Variants in PATJ observed in about 807,000 individuals in gnomAD.
PATJ encodes the protein PATJ crumbs cell polarity complex component.
PATJ carries 190 observed loss-of-function variants against 224.9 expected under a neutral mutation model. The ratio of observed to expected loss-of-function variants is 0.84; its 90% confidence interval spans 0.75 to 0.95. The LOEUF is 0.95. Ranked by LOEUF, PATJ falls within the 40% of genes least tolerant of loss-of-function variation. The pLI is 0.00. For missense variants in PATJ, 2,121 were observed against 2,270.3 expected (o/e 0.93, Z 1.34); for synonymous variants, 769 against 820.3 (o/e 0.94, Z 1.07).
intron 24 of PATJ, among the ~76,000 whole-genome samples, chr1:61,907,547 G>A (rs77110192): frequency 0.066 from 9,977 of 152,066 alleles, 1,068 homozygotes; most frequent in African/African-American, 0.23. Flanking sequence ...TCTCTGCACT[G>A]TATCATTATT....
intron 25 of PATJ, among the ~76,000 whole-genome samples, chr1:61,911,496 C>T (rs1313481296): frequency 1.3e-5 from 2 of 151,832 alleles, no homozygotes; most frequent in African/African-American, 2.4e-5. Flanking sequence ...CACCTAGCCA[C>T]CAATACACCT....
At position 61,791,373 on chromosome 1, in the gene PATJ, A is replaced by G; in HGVS notation, c.1094A>G (p.Asn365Ser). Reference sequence around the variant, plus strand: ...GACAGTTCTCTTTTTGAAACTTATAATGTTGAGCTTGTGAGAAAAGATGGG... The same window carrying G: ...GACAGTTCTCTTTTTGAAACTTATAGTGTTGAGCTTGTGAGAAAAGATGGG... ...GSDSSLFETYNVELVRKDGQS... is the reference protein window; with the variant it reads ...GSDSSLFETYSVELVRKDGQS... The change falls in exon 9 of 44, where the codon AAT (asparagine) becomes AGT (serine). Residue 365 changes from asparagine (N) to serine (S), a missense_variant. By Grantham distance (46) the Asn-to-Ser change is conservative. Coordinates refer to ENST00000642238, the MANE Select transcript of PATJ (RefSeq NM_001350145.3). 1 of 1,611,812 alleles carries G rather than the reference A, an allele frequency of 6.2e-7. No individual in the cohort carries two copies. The highest frequency in any genetic ancestry group is 8.5e-7 in the Non-Finnish European group (1 of 1,178,204).
At position 61,775,269 on chromosome 1, in the gene PATJ, A is replaced by G; in HGVS notation, c.784A>G (p.Ile262Val). ...INDGSGLGFGIVGGKTSGVVV... is the reference protein window; with the variant it reads ...INDGSGLGFGVVGGKTSGVVV... The stretch of plus-strand genomic sequence containing the variant: ...TGATGGCTCTGGACTAGGTTTTGGA[A>G]TAGTTGGAGGAAAAACAAGTGGCGT... Residue 262 changes from isoleucine to valine, a missense_variant, in exon 7 of 44, where the codon ATA becomes GTA. Ile to Val is a conservative substitution (Grantham distance 29). Coordinates refer to ENST00000642238, the MANE Select transcript of PATJ (RefSeq NM_001350145.3). The G allele has an allele frequency of 6.2e-7, 1 of 1,613,986 alleles. No individual in the cohort carries two copies. Among genetic ancestry groups the G allele is most frequent in the Non-Finnish European group, 8.5e-7 (1 of 1,179,918 alleles).
At chr1:62,153,682 G>A (rs1366122230) in intron 43 of PATJ, among the ~76,000 whole-genome samples, 1 of 152,160 alleles carries the variant, frequency 6.6e-6, no homozygotes, top group East Asian at 1.9e-4. Context: ...AAGAAGTGCA[G>A]TCTCCTTTGG....
chr1:62,106,289 G>T (rs1159028310), intron 33 of PATJ, among the ~76,000 whole-genome samples: 3 of 144,832 alleles, frequency 2.1e-5, no homozygotes, highest in South Asian at 2.3e-4. Flanking sequence ...GGGCAACATA[G>T]TGAGACCCCC....
intron 35 of PATJ, among the ~76,000 whole-genome samples, chr1:62,116,158 A>AG (rs1430534988): frequency 2.0e-5 from 3 of 152,214 alleles, no homozygotes; most frequent in African/African-American, 7.2e-5. Context: ...GTAAAGGATG[A>AG]GATGTATAGT....
intron 4 of PATJ, 78 bp downstream of exon 4, chr1:61,766,551 CT>C: frequency 1.0e-6 from 1 of 975,212 alleles, no homozygotes; most frequent in Non-Finnish European, 1.5e-6. Context: ...TATACTCATT[CT>C]TTTTGCTGTA....
intron 7 of PATJ, 23 bp downstream of exon 7, chr1:61,775,357 C>T: frequency 6.3e-7 from 1 of 1,592,318 alleles, no homozygotes; most frequent in East Asian, 2.3e-5. Context: ...TCCTTGTTAT[C>T]ATTTTGGTTT....
intron 31 of PATJ, among the ~76,000 whole-genome samples, chr1:62,076,020 A>G (rs894617353): frequency 6.6e-6 from 1 of 152,114 alleles, no homozygotes; most frequent in Non-Finnish European, 1.5e-5. Context: ...CTGTTTTATA[A>G]TAGGAACACC....
chr1:61,994,064 C>T (rs377284022), intron 28 of PATJ, among the ~76,000 whole-genome samples: 6 of 152,102 alleles, frequency 3.9e-5, no homozygotes, highest in African/African-American at 1.2e-4. Context: ...AAAAAAATAA[C>T]GAATAAAAAT....
rs1558235712 is a variant in PATJ, at chr1:62,148,120, T to TAAAAA, written c.5272-164_5272-163insAAAAA. 5.3e-4 allele frequency among the ~76,000 whole-genome samples: 57 copies of TAAAAA among 108,476 alleles called. 5 individuals are homozygous for TAAAAA. The highest frequency in any genetic ancestry group is 1.2e-3 in the African/African-American group (35 of 29,414). 71.2% of individuals were successfully genotyped at this position (108,476 alleles called of 152,430 possible). A position where few individuals can be genotyped will look rare whatever the true frequency, so the allele number is the denominator to read the frequency against. ...TGAGCAACAGAGTGAGACACTGTCTTTAAAAAAAAAAAAAAAAAAAAGTTT... is the reference window on the plus strand; with the variant it reads ...TGAGCAACAGAGTGAGACACTGTCTTAAAAATAAAAAAAAAAAAAAAAAAAAGTTT... On this transcript the variant is annotated intron_variant, in intron 41 of 43. Coordinates refer to ENST00000642238, the MANE Select transcript of PATJ (RefSeq NM_001350145.3).
chr1:62,053,668 G>A (rs1391707751), intron 31 of PATJ, among the ~76,000 whole-genome samples: 2 of 152,096 alleles, frequency 1.3e-5, no homozygotes, highest in Non-Finnish European at 1.5e-5. Flanking sequence ...GCAGTGAGCC[G>A]AGATCGCGCC....
At chr1:61,976,910 A>T (rs1273366488) in intron 27 of PATJ, among the ~76,000 whole-genome samples, 2 of 152,066 alleles carry the variant, frequency 1.3e-5, no homozygotes, top group East Asian at 3.9e-4. Flanking sequence ...CATTTTATTC[A>T]TACACATGCA....
chr1:62,014,455 G>A (rs1248706341), intron 28 of PATJ, among the ~76,000 whole-genome samples: 2 of 151,524 alleles, frequency 1.3e-5, no homozygotes, highest in African/African-American at 4.9e-5. Context: ...GATCATACTA[G>A]ACATACTATT....
chr1:62,061,553 T>G (rs1242810542), intron 31 of PATJ, among the ~76,000 whole-genome samples: 3 of 152,182 alleles, frequency 2.0e-5, no homozygotes, highest in Non-Finnish European at 4.4e-5. Flanking sequence ...CATGCAGTAT[T>G]TAGTTTTCTG....
At chr1:61,943,970 C>T (rs1678254017) in intron 27 of PATJ, among the ~76,000 whole-genome samples, 1 of 152,128 alleles carries the variant, frequency 6.6e-6, no homozygotes, top group Admixed American at 6.5e-5. Context: ...CTGGAGTGGA[C>T]CCCCAGCAAA....
chr1:62,084,447 G>T (rs909285701), intron 32 of PATJ, 68 bp from the exon 33 acceptor site: 2 of 1,522,904 alleles, frequency 1.3e-6, no homozygotes, highest in Non-Finnish European at 1.8e-6. Flanking sequence ...CACTCCCCAC[G>T]TGATGGAACG....
intron 33 of PATJ, among the ~76,000 whole-genome samples, chr1:62,092,276 A>G (rs1265439799): frequency 6.6e-6 from 1 of 152,036 alleles, no homozygotes; most frequent in Non-Finnish European, 1.5e-5. Context: ...ACTACCTGGC[A>G]GGCTGAGGCA....
intron 37 of PATJ, among the ~76,000 whole-genome samples, chr1:62,119,710 C>T (rs959903204): frequency 2.6e-5 from 4 of 152,062 alleles, no homozygotes; most frequent in Non-Finnish European, 4.4e-5. Flanking sequence ...GAGTTCGAGG[C>T]GGGCAGATCA....
Sources: gnomAD v4.1 joint callset for allele counts (sites outside exome capture counted in the v4.1 genomes callset) on GRCh38, gnomAD v4.1.1 for gene constraint, MANE v1.5 for transcripts, NCBI Gene and HGNC (gene_info 2026-07-23, HGNC 2026-07-21) for gene names.